ATP8A1: variants seen among roughly 807,000 people sequenced by gnomAD.
ATP8A1 encodes the protein ATPase phospholipid transporting 8A1.
ATP8A1 carries 90 observed loss-of-function variants against 177.7 expected under a neutral mutation model. That is an observed-to-expected ratio of 0.51 (90% confidence interval 0.43 to 0.60). ATP8A1 has a LOEUF of 0.60. Among genes scored for constraint, ATP8A1 ranks in the 20% least tolerant of loss-of-function variants. The probability of loss-of-function intolerance (pLI) is 0.00; values close to 1 mark genes in which losing one functional copy is unlikely to be tolerated. For missense variants in ATP8A1, 1,072 were observed against 1,392.8 expected (o/e 0.77, Z 3.67); for synonymous variants, 493 against 485.9 (o/e 1.01, Z -0.19).
At position 42,543,936 on chromosome 4, in the gene ATP8A1, C is replaced by T. The variant is rs147389955; in HGVS notation, c.1703G>A (p.Arg568Gln). The T allele has an allele frequency of 8.7e-5, 141 of 1,612,286 alleles. No individual in the cohort carries two copies. The highest frequency in any genetic ancestry group is 1.1e-4 in the Non-Finnish European group (130 of 1,179,256). ...VIVRTPSGKL[R>Q]LYCKGADTVI... is the part of the protein sequence containing the mutation. ...ACTTACAGCTCCTTTGCAGTAGAGTCGTAACTTTCCAGATGGAGTGCGAAC... is the reference window on the plus strand; with the variant it reads ...ACTTACAGCTCCTTTGCAGTAGAGTTGTAACTTTCCAGATGGAGTGCGAAC... The change falls in exon 20 of 37, where the codon CGA becomes CAA. Residue 568 changes from arginine to glutamine, a missense_variant. Transcript: ENST00000381668.
At chr4:42,512,852 T>G (rs1473769791) in intron 22 of ATP8A1, among the ~76,000 whole-genome samples, 1 of 152,192 alleles carries the variant, frequency 6.6e-6, no homozygotes, top group South Asian at 2.1e-4. Context: ...AGAACGTAAC[T>G]ATGAGAACTG....
intron 22 of ATP8A1, among the ~76,000 whole-genome samples, chr4:42,518,557 C>T (rs530622200): frequency 1.3e-5 from 2 of 152,194 alleles, no homozygotes; most frequent in East Asian, 3.9e-4. Context: ...GTCCTGCTTT[C>T]GTCAATTATA....
intron 35 of ATP8A1, among the ~76,000 whole-genome samples, chr4:42,416,455 A>T (rs1349201886): frequency 6.6e-6 from 1 of 152,216 alleles, no homozygotes; most frequent in Non-Finnish European, 1.5e-5. Flanking sequence ...TTAGTCTTTC[A>T]TATTACAGCA....
In ATP8A1 at chr4:42,608,382, C is replaced by T. The variant is rs1483296963; in HGVS notation, c.409+7651G>A. Among the ~76,000 whole-genome samples the T allele has an allele frequency of 4.7e-5, 5 of 106,184 alleles. No individual in the cohort carries two copies. The South Asian group carries it at 1.6e-3, about 33-fold the overall frequency. The allele number at this position is 106,184 out of a possible 152,430, so 69.7% of individuals were successfully genotyped here. On this transcript the variant is annotated intron_variant, in intron 5 of 36. Coordinates refer to ENST00000381668, the MANE Select transcript of ATP8A1 (RefSeq NM_006095.2). ...AATATCATTTTTTTTTTTTTGGAGA[C>T]AGAGTCTCGCTTTGTCACCCAGGTT...
intron 20 of ATP8A1, among the ~76,000 whole-genome samples, chr4:42,535,745 T>C (rs912000206): frequency 6.6e-6 from 1 of 152,116 alleles, no homozygotes; most frequent in African/African-American, 2.4e-5. Context: ...TTTAAGAAAT[T>C]AGAAATTATA....
chr4:42,599,725 C>T (rs1486938645), intron 6 of ATP8A1, among the ~76,000 whole-genome samples: 1 of 152,154 alleles, frequency 6.6e-6, no homozygotes, highest in African/African-American at 2.4e-5. Context: ...AAATACTGTC[C>T]TGTGAGATAC....
At chr4:42,460,582 T>C (rs1433503775) in intron 27 of ATP8A1, among the ~76,000 whole-genome samples, 1 of 151,930 alleles carries the variant, frequency 6.6e-6, no homozygotes, top group Non-Finnish European at 1.5e-5. Context: ...AGGGACGGGG[T>C]TTCACCATGT....
chr4:42,587,310 CTTTTTT>C (rs991848308), intron 8 of ATP8A1, among the ~76,000 whole-genome samples: 1 of 137,438 alleles, frequency 7.3e-6, no homozygotes. Context: ...CTTTTCTTTT[CTTTTTT>C]TTTTTTTTTG....
At chr4:42,586,297 T>C in intron 9 of ATP8A1, 52 bp downstream of exon 9, 1 of 1,592,082 alleles carries the variant, frequency 6.3e-7, no homozygotes, top group Non-Finnish European at 8.6e-7. Flanking sequence ...GACACAGCAA[T>C]ACTCTATGAC....
intron 24 of ATP8A1, among the ~76,000 whole-genome samples, chr4:42,486,046 C>A (rs566303685): frequency 1.2e-3 from 180 of 152,242 alleles, no homozygotes; most frequent in African/African-American, 4.2e-3. Context: ...TTAGTAAGGC[C>A]ATTTTTACTT....
At chr4:42,510,785 A>C (rs1308022461) in intron 22 of ATP8A1, among the ~76,000 whole-genome samples, 1 of 152,226 alleles carries the variant, frequency 6.6e-6, no homozygotes, top group Non-Finnish European at 1.5e-5. Flanking sequence ...AAATAAAATG[A>C]CTTCACTGGA....
intron 27 of ATP8A1, chr4:42,459,578 G>A (rs1285622260): frequency 1.1e-5 from 3 of 283,674 alleles, no homozygotes; most frequent in Admixed American, 4.8e-5. Context: ...ATATATAGAA[G>A]GGATTGAGAA....
At chr4:42,456,774 C>A (rs775368127) in intron 27 of ATP8A1, among the ~76,000 whole-genome samples, 85 of 152,208 alleles carry the variant, frequency 5.6e-4, no homozygotes, top group Non-Finnish European at 1.0e-3. Context: ...TAGAGGAGAG[C>A]GGTCTTGACA....
chr4:42,608,373 T>C (rs1015613326), intron 5 of ATP8A1, among the ~76,000 whole-genome samples: 2 of 151,850 alleles, frequency 1.3e-5, no homozygotes, highest in Non-Finnish European at 2.9e-5. Flanking sequence ...ATTTTTTTTT[T>C]TTTGGAGACA....
intron 35 of ATP8A1, among the ~76,000 whole-genome samples, chr4:42,415,748 G>T (rs987478983): frequency 2.6e-5 from 4 of 152,110 alleles, no homozygotes; most frequent in Admixed American, 2.0e-4. Flanking sequence ...TAGTTAAATT[G>T]CTGTGTTATG....
intron 25 of ATP8A1, 149 bp from the exon 26 acceptor site, chr4:42,465,225 C>T (rs1719607998): frequency 1.4e-6 from 1 of 719,126 alleles, no homozygotes; most frequent in Non-Finnish European, 2.2e-6. Context: ...CAAATGTTTA[C>T]TCATCTGTTA....
At chr4:42,584,094 T>C (rs1175658298) in intron 9 of ATP8A1, among the ~76,000 whole-genome samples, 3 of 152,204 alleles carry the variant, frequency 2.0e-5, no homozygotes, top group Non-Finnish European at 2.9e-5. Context: ...ACTTCAAATG[T>C]CCTTTAGAAT....
At chr4:42,604,304 T>C (rs961767381) in intron 5 of ATP8A1, among the ~76,000 whole-genome samples, 8 of 152,230 alleles carry the variant, frequency 5.3e-5, no homozygotes, top group African/African-American at 1.9e-4. Flanking sequence ...ACAGTTTTAC[T>C]GTATACTTAA....
intron 33 of ATP8A1, among the ~76,000 whole-genome samples, chr4:42,442,323 G>C (rs1474811836): frequency 6.6e-6 from 1 of 152,166 alleles, no homozygotes; most frequent in Non-Finnish European, 1.5e-5. Context: ...TAAAAACAAA[G>C]AATAGAATTA....
Sources: allele counts gnomAD v4.1 joint callset (sites outside exome capture counted in the v4.1 genomes callset), GRCh38; gene constraint gnomAD v4.1.1; transcripts MANE v1.5; gene names NCBI Gene and HGNC (gene_info 2026-07-23, HGNC 2026-07-21).